The following GALNT6 variants were observed in gnomAD, a reference collection of about 807,000 sequenced individuals.
The protein encoded by GALNT6 is polypeptide N-acetylgalactosaminyltransferase 6, also known as GalNAc transferase 6.
Under a neutral mutation model 65.9 loss-of-function variants are expected in GALNT6, and 51 were observed. That is an observed-to-expected ratio of 0.77 (90% confidence interval 0.62 to 0.98). The LOEUF (loss-of-function observed/expected upper bound fraction) is 0.98, where lower values mean the gene tolerates loss of function less well. Among genes scored for constraint, GALNT6 ranks in the 50% least tolerant of loss-of-function variants. GALNT6 has a pLI of 0.00. For synonymous variants in GALNT6, 323 were observed against 315.1 expected (o/e 1.02, Z -0.26); for missense variants, 708 against 803.3 (o/e 0.88, Z 1.43).
chr12:51,369,508 C>G (rs1287719890), intron 4 of GALNT6, among the ~76,000 whole-genome samples: 1 of 152,186 alleles, frequency 6.6e-6, no homozygotes, highest in African/African-American at 2.4e-5. Flanking sequence ...CCCCAACCAG[C>G]TTCACTCCTC....
intron 4 of GALNT6, among the ~76,000 whole-genome samples, chr12:51,366,643 A>G (rs1424124896): frequency 6.6e-6 from 1 of 152,202 alleles, no homozygotes; most frequent in Non-Finnish European, 1.5e-5. Flanking sequence ...ATTCCAGGGC[A>G]GGTGATCCAT....
At chr12:51,377,440 G>A in intron 3 of GALNT6, 73 bp from the exon 4 acceptor site, 2 of 1,309,632 alleles carry the variant, frequency 1.5e-6, no homozygotes, top group Non-Finnish European at 2.2e-6. Flanking sequence ...GCCCCATCCA[G>A]AGACTCCCCC....
intron 8 of GALNT6, 113 bp downstream of exon 8, chr12:51,359,019 G>A: frequency 1.2e-6 from 1 of 803,562 alleles, no homozygotes; most frequent in Admixed American, 2.0e-5. Context: ...TGAGGGTGAA[G>A]GGAGGCGCCA....
chr12:51,352,983 C>G lies in GALNT6; in HGVS notation c.*1396G>C, dbSNP rs1465958136. The G allele has an allele frequency of 6.6e-6, 1 of 152,212 alleles. No individual in the cohort carries two copies. Among genetic ancestry groups the G allele is most frequent in the East Asian group, 1.9e-4 (1 of 5,182 alleles). The allele number at this position is 152,212 out of a possible 1,614,324, so 9.4% of individuals were successfully genotyped here. A position where few individuals can be genotyped will look rare whatever the true frequency, so the allele number is the denominator to read the frequency against. ...CACCGTGCCCGGCCCTGGCTGTTTT[C>G]CTATGCTCTGTGGAGGCCAGCCAGC... On this transcript the variant is annotated 3_prime_UTR_variant, in exon 12 of 12. Transcript: ENST00000356317.
chr12:51,377,866 T>A (rs1476792710), intron 3 of GALNT6, among the ~76,000 whole-genome samples: 1 of 152,210 alleles, frequency 6.6e-6, no homozygotes, highest in Non-Finnish European at 1.5e-5. Flanking sequence ...CTCTAATCCA[T>A]TTTCTCATTA....
chr12:51,377,348 G>A lies in GALNT6; in HGVS notation c.511C>T (p.Arg171Trp), dbSNP rs760314323. Residue 171 changes from arginine to tryptophan, a missense_variant, in exon 4 of 12, where the codon CGG becomes TGG. By Grantham distance (101) the Arg-to-Trp change is moderately radical (BLOSUM62 -3). Coordinates refer to ENST00000356317, the MANE Select transcript of GALNT6 (RefSeq NM_007210.4). Reference sequence around the variant, plus strand: ...GTGGTGGCCAGTGGGGGGCAGCGCCGGAACTTCTGGTCCACACACCTGGAA... The same window carrying A: ...GTGGTGGCCAGTGGGGGGCAGCGCCAGAACTTCTGGTCCACACACCTGGAA... ...RPPECVDQKF[R>W]RCPPLATTSV... The A allele has an allele frequency of 1.4e-5, 22 of 1,612,446 alleles. No individual in the cohort carries two copies. The highest frequency in any genetic ancestry group is 4.4e-5 in the South Asian group (4 of 91,008).
At chr12:51,358,396 G>A in intron 8 of GALNT6, 135 bp from the exon 9 acceptor site, 1 of 992,100 alleles carries the variant, frequency 1.0e-6, no homozygotes, top group Non-Finnish European at 1.5e-6. Flanking sequence ...CCCCTCCTGG[G>A]TTCAAGCGAT....
intron 1 of GALNT6, 116 bp downstream of exon 1, chr12:51,391,171 A>G (rs555668651): frequency 1.8e-4 from 27 of 152,698 alleles, no homozygotes; most frequent in African/African-American, 6.0e-4. Flanking sequence ...GAGTTGCCGT[A>G]CCAGAGCACA....
intron 2 of GALNT6, among the ~76,000 whole-genome samples, chr12:51,380,518 A>G (rs1456540918): frequency 6.6e-6 from 1 of 152,256 alleles, no homozygotes; most frequent in Non-Finnish European, 1.5e-5. Context: ...AAAATGTAAA[A>G]ACATGCTAAA....
intron 7 of GALNT6, 72 bp from the exon 8 acceptor site, chr12:51,359,404 T>G: frequency 9.4e-7 from 1 of 1,066,590 alleles, no homozygotes. Flanking sequence ...GCAGCTCTAT[T>G]CTATTCCCAG....
At chr12:51,385,299 AC>A (rs1177818157) in intron 2 of GALNT6, among the ~76,000 whole-genome samples, 1 of 152,144 alleles carries the variant, frequency 6.6e-6, no homozygotes, top group Admixed American at 6.5e-5. Context: ...TGAAAAGTAA[AC>A]TTTTATTTTA....
chr12:51,371,442 C>T (rs555494839), intron 4 of GALNT6, among the ~76,000 whole-genome samples: 1 of 152,272 alleles, frequency 6.6e-6, no homozygotes, highest in South Asian at 2.1e-4. Context: ...TTAAGCCACA[C>T]TGTCTTCTTT....
chr12:51,372,939 T>A (rs1392041413), intron 4 of GALNT6, among the ~76,000 whole-genome samples: 1 of 152,230 alleles, frequency 6.6e-6, no homozygotes, highest in Non-Finnish European at 1.5e-5. Context: ...GAATGCCCTG[T>A]TGGATTTTCG....
In GALNT6 at chr12:51,377,065, T is replaced by C. The variant is rs937894041; in HGVS notation, c.664+130A>G. On this transcript the variant is annotated intron_variant, in intron 4 of 11. Coordinates refer to ENST00000356317, the MANE Select transcript of GALNT6 (RefSeq NM_007210.4). ...ACCTGACTTCTTCCTGCTCCTGGCC[T>C]TTAAGATGAGCTGTGATGTCAGGCA... 8.1e-6 allele frequency: 6 copies of C among 742,860 alleles called. No homozygotes were observed. In the Admixed American group the frequency reaches 1.4e-4, roughly 18 times the overall value. 46.0% of individuals were successfully genotyped at this position (742,860 alleles called of 1,614,324 possible).
Position 51,364,253 on chromosome 12 carries a change from A to G in GALNT6, c.917T>C (p.Phe306Ser), listed in dbSNP as rs746406631. Residue 306 changes from phenylalanine (F) to serine (S), a missense_variant, in exon 6 of 12, where the codon TTT (phenylalanine) becomes TCT (serine). By Grantham distance (155) the Phe-to-Ser change is radical (BLOSUM62 -2). Transcript: ENST00000356317. ...PDIVTIDLNTFEFAKPVQRGR... is the reference protein window; with the variant it reads ...PDIVTIDLNTSEFAKPVQRGR... ...CCTCTGGACGGGCTTGGCGAACTCA[A>G]AAGTATTAAGGTCGATGGTGACGAT... is the stretch of plus-strand genomic sequence containing the variant. 4.3e-6 allele frequency: 7 copies of G among 1,614,156 alleles called. No individual in the cohort carries two copies. The highest frequency in any genetic ancestry group is 1.3e-5 in the African/African-American group (1 of 75,026).
Position 51,387,459 on chromosome 12 carries a change from A to C in GALNT6, c.-104+3391T>G, listed in dbSNP as rs1947879524. On this transcript the variant is annotated intron_variant, in intron 2 of 11. Transcript: ENST00000356317. This position sits in a 1 kb window ranked among gnomAD's most constrained non-coding sequence, Gnocchi z 4.2. ...ACATGGATTTTCTATTGAAAAACTCAACCCAACTTTGCTCACCACTGTATA... is the reference window on the plus strand; with the variant it reads ...ACATGGATTTTCTATTGAAAAACTCCACCCAACTTTGCTCACCACTGTATA... Among the ~76,000 whole-genome samples, 1 of 152,196 alleles carries C rather than the reference A, an allele frequency of 6.6e-6. No individual in the cohort carries two copies. The highest frequency in any genetic ancestry group is 1.5e-5 in the Non-Finnish European group (1 of 68,042).
Position 51,365,570 on chromosome 12 carries a change from T to C in GALNT6, c.674A>G (p.Lys225Arg), listed in dbSNP as rs1947076338. 1 of 1,613,628 alleles carries C rather than the reference T, an allele frequency of 6.2e-7. No homozygotes were observed. Among genetic ancestry groups the C allele is most frequent in the African/African-American group, 1.3e-5 (1 of 74,938 alleles). The change falls in exon 5 of 12, where the codon AAG becomes AGG. Residue 225 changes from lysine to arginine, a missense_variant. Lys to Arg is a conservative substitution (Grantham distance 26). Coordinates refer to ENST00000356317, the MANE Select transcript of GALNT6 (RefSeq NM_007210.4). ...CTTCACGTACTGCTCCAGCTTCTCC[T>C]TTAGGTGCTCTGGAAGGGACAGTGT... ...VDDASTEEHL[K>R]EKLEQYVKQL...
intron 2 of GALNT6, among the ~76,000 whole-genome samples, chr12:51,385,164 T>C (rs557174784): frequency 6.6e-6 from 1 of 152,208 alleles, no homozygotes; most frequent in South Asian, 2.1e-4. Flanking sequence ...AATTTTTATT[T>C]TTTGGTAGAG....
Position 51,358,142 on chromosome 12 carries a change from G to T in GALNT6, c.1488C>A (p.Thr496=), listed in dbSNP as rs754758102. 6.2e-7 allele frequency: 1 copy of T among 1,613,624 alleles called. No homozygotes were observed. Among genetic ancestry groups the T allele is most frequent in the Non-Finnish European group, 8.5e-7 (1 of 1,179,738 alleles). The change falls in exon 9 of 12, where the codon ACC becomes ACA. Residue 496 remains threonine, a synonymous_variant. Transcript: ENST00000356317. The stretch of plus-strand genomic sequence containing the variant: ...TCTCAAGACTTACGGCACCATAGAA[G>T]GTGGGCGTCAGGTCAGGAACAAACA... ...PEMFVPDLTP[T]FYGAIKNLGT...
Sources: allele counts gnomAD v4.1 joint callset (sites outside exome capture counted in the v4.1 genomes callset), GRCh38; gene constraint gnomAD v4.1.1; non-coding constraint Gnocchi (gnomAD v3.1); transcripts MANE v1.5; gene names NCBI Gene and HGNC (gene_info 2026-07-23, HGNC 2026-07-21).